The following FHOD3 variants were observed in gnomAD, a reference collection of about 807,000 sequenced individuals.
The protein encoded by FHOD3 is formin homology 2 domain containing 3, also known as FH1/FH2 domain-containing protein 3.
Under a neutral mutation model 173.0 loss-of-function variants are expected in FHOD3, and 90 were observed. That is an observed-to-expected ratio of 0.52 (90% CI 0.44 to 0.62). FHOD3 has a LOEUF of 0.62. Ranked by LOEUF, FHOD3 falls within the 20% of genes least tolerant of loss-of-function variation. The probability of loss-of-function intolerance (pLI) is 0.00; values close to 1 mark genes in which losing one functional copy is unlikely to be tolerated. For synonymous variants in FHOD3, 828 were observed against 823.0 expected (o/e 1.01, Z -0.10); for missense variants, 1,945 against 2,034.7 (o/e 0.96, Z 0.85).
At chr18:36,317,482 T>A (rs1205814227) in intron 1 of FHOD3, among the ~76,000 whole-genome samples, 1 of 152,270 alleles carries the variant, frequency 6.6e-6, no homozygotes, top group East Asian at 1.9e-4. Context: ...CCAGTGATGA[T>A]GAGCATTTTT....
intron 5 of FHOD3, among the ~76,000 whole-genome samples, chr18:36,541,084 C>T (rs2057193560): frequency 6.6e-6 from 1 of 151,366 alleles, no homozygotes; most frequent in Admixed American, 6.6e-5. Flanking sequence ...AATCCCATCT[C>T]TACTAAATAT....
intron 1 of FHOD3, among the ~76,000 whole-genome samples, chr18:36,332,211 T>C (rs1215564665): frequency 6.6e-6 from 1 of 152,236 alleles, no homozygotes; most frequent in Non-Finnish European, 1.5e-5. Flanking sequence ...AGGCAATACC[T>C]TGCTAACTGG....
intron 3 of FHOD3, among the ~76,000 whole-genome samples, chr18:36,476,746 T>C (rs2145322469): frequency 6.6e-6 from 1 of 152,312 alleles, no homozygotes; most frequent in South Asian, 2.1e-4. Flanking sequence ...TCTTGACCTT[T>C]CTTCCTCCCC....
At chr18:36,308,249 C>T (rs77520403) in intron 1 of FHOD3, among the ~76,000 whole-genome samples, 2,145 of 152,130 alleles carry the variant, frequency 0.014, 46 homozygotes, top group African/African-American at 0.048. Flanking sequence ...TTCCTTAAGA[C>T]GAATTCTCAA....
At chr18:36,304,285 C>T (rs1052586444) in intron 1 of FHOD3, among the ~76,000 whole-genome samples, 1 of 152,108 alleles carries the variant, frequency 6.6e-6, no homozygotes, top group African/African-American at 2.4e-5. Flanking sequence ...CTAGAATTTG[C>T]TTCAGAATAA....
chr18:36,770,366 C>T (rs1169955785), intron 28 of FHOD3, among the ~76,000 whole-genome samples: 1 of 152,202 alleles, frequency 6.6e-6, no homozygotes, highest in East Asian at 1.9e-4. Flanking sequence ...CAAACTTGTT[C>T]CACCCTTGAG....
intron 10 of FHOD3, among the ~76,000 whole-genome samples, chr18:36,632,673 C>T (rs976753722): frequency 6.6e-6 from 1 of 152,126 alleles, no homozygotes; most frequent in African/African-American, 2.4e-5. Context: ...TAACTGCAGC[C>T]TCTGCGTTGT....
rs751719654 is a variant in FHOD3, at chr18:36,614,840, A to ATT, written c.957+2770_957+2771dup. 2.9e-3 allele frequency among the ~76,000 whole-genome samples: 246 copies of ATT among 86,170 alleles called. 9 individuals carry two copies. Among genetic ancestry groups the ATT allele is most frequent in the African/African-American group, 9.9e-3 (208 of 20,930 alleles). The allele number at this position is 86,170 out of a possible 152,430, so 56.5% of individuals were successfully genotyped here. A position where few individuals can be genotyped will look rare whatever the true frequency, so the allele number is the denominator to read the frequency against. ...CGATCCTTTGCTCATTTTTTAATTG[A>ATT]TTTTTTTTTTTTTTTTTTTTTTTTT... On this transcript the variant is annotated intron_variant, in intron 9 of 28. Transcript: ENST00000590592.
At chr18:36,310,981 C>G (rs1023306417) in intron 1 of FHOD3, among the ~76,000 whole-genome samples, 1 of 151,432 alleles carries the variant, frequency 6.6e-6, no homozygotes. Flanking sequence ...TTGTCAATGA[C>G]CACAAACTGA....
intron 19 of FHOD3, 40 bp from the exon 20 acceptor site, chr18:36,730,606 A>G: frequency 1.9e-6 from 3 of 1,597,112 alleles, no homozygotes; most frequent in Non-Finnish European, 2.6e-6. Flanking sequence ...AGGACCCAAG[A>G]TGATGCATTA....
chr18:36,340,012 T>C (rs2045532676), intron 1 of FHOD3, among the ~76,000 whole-genome samples: 1 of 152,236 alleles, frequency 6.6e-6, no homozygotes, highest in African/African-American at 2.4e-5. Context: ...CCTAGGTTTT[T>C]GCTTTCTCTC....
At position 36,731,472 on chromosome 18, in the gene FHOD3, C is replaced by T. The variant is rs141564095; in HGVS notation, c.3576+668C>T. On this transcript the variant is annotated intron_variant, in intron 20 of 28. Coordinates refer to ENST00000590592, the MANE Select transcript of FHOD3 (RefSeq NM_001281740.3). ...TAATAATGAAAAGAGTGAGCAGAGC[C>T]GATGTGTCCCACCCACCAATTCCTA... Among the ~76,000 whole-genome samples the T allele has an allele frequency of 3.8e-3, 574 of 152,218 alleles. 4 individuals carry two copies. The highest frequency in any genetic ancestry group is 3.4e-3 in the African/African-American group (142 of 41,534).
intron 5 of FHOD3, among the ~76,000 whole-genome samples, chr18:36,517,695 C>T (rs568121536): frequency 2.0e-5 from 3 of 152,172 alleles, no homozygotes; most frequent in East Asian, 1.9e-4. Context: ...GATCTTAAAA[C>T]GCATTTAACT....
chr18:36,496,022 C>A (rs2054727236), intron 3 of FHOD3, among the ~76,000 whole-genome samples: 1 of 152,202 alleles, frequency 6.6e-6, no homozygotes, highest in South Asian at 2.1e-4. Flanking sequence ...GGTACCGTTC[C>A]TGGTTGAGCC....
intron 28 of FHOD3, among the ~76,000 whole-genome samples, chr18:36,774,086 C>T (rs1168595855): frequency 2.0e-5 from 3 of 152,220 alleles, no homozygotes; most frequent in Non-Finnish European, 2.9e-5. Flanking sequence ...AAACAATTGG[C>T]AGAACTTATT....
At chr18:36,393,713 T>A (rs2048414395) in intron 3 of FHOD3, among the ~76,000 whole-genome samples, 1 of 151,460 alleles carries the variant, frequency 6.6e-6, no homozygotes, top group Admixed American at 6.6e-5. Flanking sequence ...CAAAGGGGAG[T>A]GAAATGAGCC....
In FHOD3 at chr18:36,344,229, A is replaced by C. The variant is rs1047564929; in HGVS notation, c.166-11310A>C. On this transcript the variant is annotated intron_variant, in intron 1 of 28. Coordinates refer to ENST00000590592, the MANE Select transcript of FHOD3 (RefSeq NM_001281740.3). ...TCTTCAGGCAAAAGGAAATTATTAT[A>C]GATAGAAGCACAGAAATGCAGGAAA... 2.0e-5 allele frequency among the ~76,000 whole-genome samples: 3 copies of C among 152,366 alleles called. No individual in the cohort carries two copies. The East Asian group carries it at 5.8e-4, about 29-fold the overall frequency.
chr18:36,747,133 C>T lies in FHOD3; in HGVS notation c.4230C>T (p.Asn1410=). The T allele has an allele frequency of 6.2e-7, 1 of 1,605,090 alleles. No individual in the cohort carries two copies. The highest frequency in any genetic ancestry group is 8.5e-7 in the Non-Finnish European group (1 of 1,175,528). The stretch of plus-strand genomic sequence containing the variant: ...AGATTGTCCATAGAAGGATAATCAA[C>T]AGGTAAGTGGATTGAGGAACTTATA... The part of the protein sequence containing the change: ...ILKIVHRRII[N]RFHSFLLFMG... The change falls in exon 24 of 29, where the codon AAC becomes AAT. Residue 1410 remains asparagine (N), a splice_region_variant and synonymous_variant. Coordinates refer to ENST00000590592, the MANE Select transcript of FHOD3 (RefSeq NM_001281740.3).
chr18:36,529,009 C>G (rs1463163468), intron 5 of FHOD3, among the ~76,000 whole-genome samples: 1 of 152,172 alleles, frequency 6.6e-6, no homozygotes, highest in African/African-American at 2.4e-5. Context: ...ATTCTGACCC[C>G]AAGCAGATAT....
Sources: allele counts gnomAD v4.1 joint callset (sites outside exome capture counted in the v4.1 genomes callset), GRCh38; gene constraint gnomAD v4.1.1; transcripts MANE v1.5; gene names NCBI Gene and HGNC (gene_info 2026-07-23, HGNC 2026-07-21).